LIMK2: variants seen among roughly 807,000 people sequenced by gnomAD.
The protein encoded by LIMK2 is LIM domain kinase 2.
Under a neutral mutation model 75.7 loss-of-function variants are expected in LIMK2, and 35 were observed. The ratio of observed to expected loss-of-function variants is 0.46; its 90% CI spans 0.35 to 0.61. LIMK2 has a LOEUF of 0.61. Ranked by LOEUF, LIMK2 falls within the 20% of genes least tolerant of loss-of-function variation. The pLI is 0.00. For missense variants in LIMK2, 623 were observed against 831.0 expected, an observed-to-expected ratio of 0.75 and a Z score of 3.08; for synonymous variants, 301 against 319.2, an observed-to-expected ratio of 0.94 and a Z score of 0.61.
chr22:31,232,975 G>C (rs2048541814), intron 2 of LIMK2, among the ~76,000 whole-genome samples: 1 of 152,150 alleles, frequency 6.6e-6, no homozygotes, highest in African/African-American at 2.4e-5. Context: ...GCTCCAGCCT[G>C]GCTTTCATTC....
intron 12 of LIMK2, among the ~76,000 whole-genome samples, chr22:31,272,247 G>A (rs987407502): frequency 1.3e-5 from 1 of 76,476 alleles, no homozygotes; most frequent in Non-Finnish European, 2.6e-5. Flanking sequence ...TTTTTTTTTT[G>A]TATTTTTAGT....
chr22:31,224,839 T>G (rs2048465062), intron 1 of LIMK2, among the ~76,000 whole-genome samples: 1 of 152,198 alleles, frequency 6.6e-6, no homozygotes, highest in African/African-American at 2.4e-5. Context: ...ACAAAGAGCT[T>G]TGTATCTAGA....
intron 11 of LIMK2, 68 bp downstream of exon 11, chr22:31,268,268 C>A: frequency 7.5e-7 from 1 of 1,332,768 alleles, no homozygotes; most frequent in Non-Finnish European, 1.1e-6. Flanking sequence ...GTGGGCTTCA[C>A]TGGAAGGTAG....
At chr22:31,260,221 C>G in intron 5 of LIMK2, 144 bp downstream of exon 5, 1 of 662,228 alleles carries the variant, frequency 1.5e-6, no homozygotes, top group Admixed American at 3.9e-5. Context: ...TATGCTGTAA[C>G]CGTACCTGGG....
chr22:31,252,693 A>G (rs2048737761), intron 2 of LIMK2, among the ~76,000 whole-genome samples: 1 of 152,182 alleles, frequency 6.6e-6, no homozygotes, highest in African/African-American at 2.4e-5. Flanking sequence ...GTCTGTCTGC[A>G]TTTGCCCTTG....
intron 2 of LIMK2, among the ~76,000 whole-genome samples, chr22:31,232,916 C>G (rs2048541469): frequency 6.6e-6 from 1 of 152,114 alleles, no homozygotes; most frequent in African/African-American, 2.4e-5. Context: ...TAACTGGTTC[C>G]CTAAGACAGC....
Position 31,277,612 on chromosome 22 carries a change from T to C in LIMK2, c.1773-685T>C, listed in dbSNP as rs1393533504. ...CTCTTGTCATTCTAAATATCTTTAA[T>C]TTATTAAAAAATATATATATACAGT... On this transcript the variant is annotated intron_variant, in intron 15 of 15. Transcript: ENST00000331728. 4 of 891,244 alleles carry C rather than the reference T, an allele frequency of 4.5e-6. No individual in the cohort carries two copies. The African/African-American group carries it at 7.3e-5, about 16-fold the overall frequency. The allele number at this position is 891,244 out of a possible 1,614,324, so 55.2% of individuals were successfully genotyped here.
chr22:31,243,506 A>G (rs1409091338), intron 2 of LIMK2, among the ~76,000 whole-genome samples: 6 of 152,156 alleles, frequency 3.9e-5, no homozygotes, highest in African/African-American at 1.4e-4. Flanking sequence ...TTGCCTGAAC[A>G]TTCACTTGGG....
At chr22:31,230,681 T>C (rs2048520231) in intron 2 of LIMK2, among the ~76,000 whole-genome samples, 1 of 152,208 alleles carries the variant, frequency 6.6e-6, no homozygotes, top group Non-Finnish European at 1.5e-5. Flanking sequence ...CTAATGCAGA[T>C]AGAAGACTGT....
In LIMK2 at chr22:31,266,050, G is replaced by A. The variant is rs781371685; in HGVS notation, c.959G>A (p.Ser320Asn). The change falls in exon 8 of 16, where the codon AGC becomes AAC. Residue 320 changes from serine to asparagine, a missense_variant. Around this residue, in one of 3 missense-constraint regions of LIMK2, gnomAD observed 514 missense variants for 661.3 expected, o/e 0.78. Coordinates refer to ENST00000331728, the MANE Select transcript of LIMK2 (RefSeq NM_005569.4). ...TCAGAATCCCTTCGTTGTTCCAGCA[G>A]CTATTCACAGCAGATCTTCCGGCCC... is the stretch of plus-strand genomic sequence containing the variant. Reference protein sequence around the residue: ...SRSESLRCSSSYSQQIFRPCD... With the variant: ...SRSESLRCSSNYSQQIFRPCD... The A allele has an allele frequency of 1.9e-6, 3 of 1,614,238 alleles. No homozygotes were observed. In the Admixed American group the frequency reaches 5.0e-5, roughly 27 times the overall value.
At chr22:31,269,704 G>T (rs1478290988) in intron 11 of LIMK2, among the ~76,000 whole-genome samples, 1 of 151,714 alleles carries the variant, frequency 6.6e-6, no homozygotes, top group Non-Finnish European at 1.5e-5. Context: ...AACCTGGGAG[G>T]CAGAAGTTGC....
rs577050674 is a variant in LIMK2 at position 31,273,316 on chromosome 22, C to T, written c.1559-136C>T. 5 of 757,220 alleles carry T rather than the reference C, an allele frequency of 6.6e-6. No individual in the cohort carries two copies. The African/African-American group carries it at 8.6e-5, about 13-fold the overall frequency. The allele number at this position is 757,220 out of a possible 1,614,324, so 46.9% of individuals were successfully genotyped here. On this transcript the variant is annotated intron_variant, in intron 13 of 15. Coordinates refer to ENST00000331728, the MANE Select transcript of LIMK2 (RefSeq NM_005569.4). Reference sequence around the variant, plus strand: ...GGACTATTTTCAGGTGGTGTCTGCGCAGGACAGCCTGTGGGGTGTCCCTAC... The same window carrying T: ...GGACTATTTTCAGGTGGTGTCTGCGTAGGACAGCCTGTGGGGTGTCCCTAC...
In LIMK2 at chr22:31,260,039, T is replaced by C. The variant is rs1243600346; in HGVS notation, c.513T>C (p.Ser171=). The C allele has an allele frequency of 6.2e-7, 1 of 1,601,286 alleles. No homozygotes were observed. Among genetic ancestry groups the C allele is most frequent in the African/African-American group, 1.4e-5 (1 of 73,994 alleles). ...GGGGCTTCTCCGTGTCCGTGGAGAG[T>C]GCCTGCTCCAACTACGCCACCACTG... ...GRRGFSVSVE[S]ACSNYATTVQ... The change falls in exon 5 of 16, where the codon AGT becomes AGC. Residue 171 remains serine (S), a synonymous_variant. Transcript: ENST00000331728.
intron 1 of LIMK2, among the ~76,000 whole-genome samples, chr22:31,224,849 A>T (rs924948397): frequency 4.6e-5 from 7 of 152,208 alleles, no homozygotes; most frequent in Admixed American, 1.3e-4. Flanking sequence ...TTGTATCTAG[A>T]ACAGGGGTCC....
intron 2 of LIMK2, among the ~76,000 whole-genome samples, chr22:31,242,075 G>C (rs1832719722): frequency 6.6e-6 from 1 of 152,110 alleles, no homozygotes. Flanking sequence ...TTGAGTTCTT[G>C]TATCTGATTT....
At chr22:31,254,099 C>T (rs941331010) in intron 2 of LIMK2, among the ~76,000 whole-genome samples, 4 of 152,224 alleles carry the variant, frequency 2.6e-5, no homozygotes, top group Admixed American at 6.5e-5. Context: ...GGACTGGTGA[C>T]GTTGCTCTCC....
intron 1 of LIMK2, among the ~76,000 whole-genome samples, chr22:31,212,767 T>A (rs1014891349): frequency 2.0e-5 from 3 of 152,090 alleles, no homozygotes; most frequent in African/African-American, 7.2e-5. Context: ...ACCCCCAAAT[T>A]AACCCTTTTT....
Position 31,278,474 on chromosome 22 carries a change from AC to A in LIMK2, c.*34del, listed in dbSNP as rs1194724222. 1.3e-6 allele frequency: 2 copies of A among 1,567,426 alleles called. No individual in the cohort carries two copies. Among genetic ancestry groups the A allele is most frequent in the East Asian group, 4.6e-5 (2 of 43,886 alleles). ...CCAGCCCCCTGCAGGGGGGTGTTCT[AC>A]AGCCAGCATTGCCCCTCTGTGCCCC... On this transcript the variant is annotated 3_prime_UTR_variant, in exon 16 of 16. Transcript: ENST00000331728.
At chr22:31,234,297 C>T (rs2048552858) in intron 2 of LIMK2, among the ~76,000 whole-genome samples, 1 of 148,922 alleles carries the variant, frequency 6.7e-6, no homozygotes, top group Non-Finnish European at 1.5e-5. Context: ...CAGGTGTGAG[C>T]CACTGCACCT....
Sources: gnomAD v4.1 joint callset for allele counts (sites outside exome capture counted in the v4.1 genomes callset) on GRCh38, gnomAD v4.1.1 for gene constraint, gnomAD v4.1.1 regional missense constraint, MANE v1.5 for transcripts, NCBI Gene and HGNC (gene_info 2026-07-23, HGNC 2026-07-21) for gene names.